EYS: variants seen among roughly 807,000 people sequenced by gnomAD.
EYS encodes the protein protein eyes shut homolog.
In EYS, 250 loss-of-function variants were observed where a neutral mutation model predicts 282.1. That is an observed-to-expected ratio of 0.89 (90% confidence interval 0.80 to 0.98). The LOEUF (loss-of-function observed/expected upper bound fraction) is 0.98, where lower values mean the gene tolerates loss of function less well. Ranked by LOEUF, EYS falls within the 50% of genes least tolerant of loss-of-function variation. EYS has a pLI of 0.00. For missense variants in EYS, 4,016 were observed against 3,709.0 expected (o/e 1.08, Z -2.15); for synonymous variants, 1,355 against 1,282.9 (o/e 1.06, Z -1.20).
rs116833103 is a variant in EYS, at chr6:65,023,243, C to T, written c.2138-25540G>A. Among the ~76,000 whole-genome samples the T allele has an allele frequency of 2.1e-3, 312 of 152,052 alleles. 2 individuals carry two copies. Among genetic ancestry groups the T allele is most frequent in the African/African-American group, 6.8e-3 (280 of 41,470 alleles). Reference sequence around the variant, plus strand: ...ATTATCTTTTTAATTATATTAACTGCGGTCACTGTTAAATCTTGGTTAGTC... The same window carrying T: ...ATTATCTTTTTAATTATATTAACTGTGGTCACTGTTAAATCTTGGTTAGTC... On this transcript the variant is annotated intron_variant, in intron 13 of 42. Transcript: ENST00000503581.
At chr6:65,462,062 G>A (rs1355022610) in intron 5 of EYS, among the ~76,000 whole-genome samples, 2 of 152,062 alleles carry the variant, frequency 1.3e-5, no homozygotes, top group Non-Finnish European at 2.9e-5. Context: ...GTCTTTAAAT[G>A]AGGGAATATC....
At chr6:64,694,521 G>A (rs1770509125) in intron 22 of EYS, among the ~76,000 whole-genome samples, 1 of 152,118 alleles carries the variant, frequency 6.6e-6, no homozygotes, top group African/African-American at 2.4e-5. Flanking sequence ...TTGATACTAG[G>A]AAGTGCCCTG....
At chr6:65,115,508 A>G (rs1269226065) in intron 12 of EYS, among the ~76,000 whole-genome samples, 2 of 152,064 alleles carry the variant, frequency 1.3e-5, no homozygotes, top group Non-Finnish European at 2.9e-5. Context: ...CATGCTTTGA[A>G]AAAAATGCCT....
intron 26 of EYS, 42 bp downstream of exon 26, chr6:64,590,181 C>G (rs954300509): frequency 3.4e-6 from 5 of 1,453,974 alleles, no homozygotes; most frequent in Non-Finnish European, 4.6e-6. Context: ...AGAAAAGAAA[C>G]TCATTTCTAA....
intron 11 of EYS, among the ~76,000 whole-genome samples, chr6:65,309,192 T>A (rs1769089588): frequency 6.8e-6 from 1 of 147,344 alleles, no homozygotes; most frequent in Admixed American, 6.8e-5. Flanking sequence ...TAAAGGCTGT[T>A]GATGGTTCCA....
intron 5 of EYS, among the ~76,000 whole-genome samples, chr6:65,453,054 G>T (rs1452178133): frequency 6.6e-6 from 1 of 151,984 alleles, no homozygotes; most frequent in Non-Finnish European, 1.5e-5. Flanking sequence ...TTGATTACTT[G>T]TTTGTTCATA....
chr6:65,647,194 G>A (rs1767481896), intron 1 of EYS, among the ~76,000 whole-genome samples: 1 of 152,050 alleles, frequency 6.6e-6, no homozygotes, highest in African/African-American at 2.4e-5. Flanking sequence ...CTAAAACAGA[G>A]GCCATATAGC....
At chr6:63,743,382 G>T (rs1182321958) in intron 41 of EYS, among the ~76,000 whole-genome samples, 1 of 152,144 alleles carries the variant, frequency 6.6e-6, no homozygotes, top group African/African-American at 2.4e-5. Context: ...AATATAGTTT[G>T]GCAGGTGTAT....
intron 5 of EYS, among the ~76,000 whole-genome samples, chr6:65,418,841 G>T (rs1045269466): frequency 6.6e-6 from 1 of 151,864 alleles, no homozygotes; most frequent in Non-Finnish European, 1.5e-5. Flanking sequence ...GAAATAAAGA[G>T]AAAAAATCTG....
intron 7 of EYS, among the ~76,000 whole-genome samples, chr6:65,399,117 C>A (rs756357509): frequency 6.7e-4 from 101 of 150,910 alleles, no homozygotes; most frequent in Admixed American, 1.3e-3. Flanking sequence ...TCTCCCTTCC[C>A]TTGGGAACAT....
intron 2 of EYS, among the ~76,000 whole-genome samples, chr6:65,503,289 A>T (rs1401562963): frequency 1.3e-5 from 2 of 151,588 alleles, no homozygotes; most frequent in Admixed American, 1.3e-4. Context: ...GTCTATTCAG[A>T]TCTTATGCAC....
At chr6:63,895,924 T>G (rs981450006) in intron 35 of EYS, among the ~76,000 whole-genome samples, 21 of 151,472 alleles carry the variant, frequency 1.4e-4, no homozygotes, top group Non-Finnish European at 2.2e-4. Flanking sequence ...TTTTTTTTTT[T>G]TTTTTTTTTC....
intron 41 of EYS, among the ~76,000 whole-genome samples, chr6:63,727,021 A>G (rs1768639231): frequency 2.0e-5 from 3 of 152,244 alleles, no homozygotes; most frequent in Non-Finnish European, 4.4e-5. Flanking sequence ...TCTTACATTT[A>G]TAATGCTTTC....
At chr6:65,178,515 C>T (rs1394911427) in intron 12 of EYS, among the ~76,000 whole-genome samples, 1 of 151,904 alleles carries the variant, frequency 6.6e-6, no homozygotes, top group Non-Finnish European at 1.5e-5. Context: ...AGCTAACTAT[C>T]CTAAATATAT....
intron 36 of EYS, among the ~76,000 whole-genome samples, chr6:63,829,634 G>T (rs1562047176): frequency 6.6e-6 from 1 of 152,212 alleles, no homozygotes; most frequent in Non-Finnish European, 1.5e-5. Flanking sequence ...CCACTTCTGG[G>T]GGCAGGGCAT....
chr6:65,238,672 GT>G (rs1766985253), intron 12 of EYS, among the ~76,000 whole-genome samples: 1 of 151,918 alleles, frequency 6.6e-6, no homozygotes, highest in African/African-American at 2.4e-5. Context: ...ATAATTTATG[GT>G]TACATTCTTG....
intron 2 of EYS, among the ~76,000 whole-genome samples, chr6:65,541,505 T>A (rs1768166452): frequency 6.6e-6 from 1 of 152,194 alleles, no homozygotes; most frequent in African/African-American, 2.4e-5. Flanking sequence ...CACAACAATG[T>A]TATCCATTAT....
intron 1 of EYS, among the ~76,000 whole-genome samples, chr6:65,658,851 G>A (rs1035283363): frequency 2.0e-5 from 3 of 151,382 alleles, no homozygotes; most frequent in Non-Finnish European, 3.0e-5. Context: ...GTCTTGGGAT[G>A]GGGATAAAGG....
At chr6:63,826,846 A>AAAAAAAAAAAAAAAAAAAAAAAAG (rs1771479364) in intron 36 of EYS, among the ~76,000 whole-genome samples, 1 of 2,622 alleles carries the variant, frequency 3.8e-4, no homozygotes, top group Non-Finnish European at 7.8e-4. Context: ...GTTAAAAAGC[A>AAAAAAAAAAAAAAAAAAAAAAAAG]AAAAAAAAAA....
Sources: allele counts gnomAD v4.1 joint callset (sites outside exome capture counted in the v4.1 genomes callset), GRCh38; gene constraint gnomAD v4.1.1; transcripts MANE v1.5; gene names NCBI Gene and HGNC (gene_info 2026-07-23, HGNC 2026-07-21).